The following MAOB variants were observed in gnomAD, a reference collection of about 807,000 sequenced individuals.
The protein encoded by MAOB is amine oxidase [flavin-containing] B.
A neutral mutation model predicts 41.9 loss-of-function variants in MAOB; 15 were observed. That is an observed-to-expected ratio of 0.36 (90% CI 0.24 to 0.55). MAOB has a LOEUF of 0.55. MAOB is among the 20% of genes least tolerant of loss of function. MAOB has a pLI of 0.86. For missense variants in MAOB, 345 were observed against 398.7 expected (o/e 0.87, Z 1.15); for synonymous variants, 167 against 144.2 (o/e 1.16, Z -1.13).
chrX:43,830,257 T>C (rs2035002114), intron 3 of MAOB, among the ~76,000 whole-genome samples: 1 of 111,409 alleles, frequency 9.0e-6, no homozygotes, highest in South Asian at 3.8e-4. Flanking sequence ...AAACTTAGGT[T>C]TTCTTAGAGA....
intron 5 of MAOB, among the ~76,000 whole-genome samples, chrX:43,800,438 C>G (rs1176406926): frequency 1.8e-5 from 2 of 111,181 alleles, no homozygotes; most frequent in East Asian, 5.6e-4. Flanking sequence ...AATTATATTG[C>G]AAACTACATT....
chrX:43,875,268 G>A (rs1192836502), intron 1 of MAOB, among the ~76,000 whole-genome samples: 1 of 111,733 alleles, frequency 8.9e-6, no homozygotes, highest in African/African-American at 3.3e-5. Flanking sequence ...AAGGGGCTGT[G>A]AGGTCTGGAG....
intron 1 of MAOB, among the ~76,000 whole-genome samples, chrX:43,866,808 A>G (rs1222716811): frequency 8.9e-6 from 1 of 112,768 alleles, no homozygotes. Flanking sequence ...GACTCTGGGA[A>G]CTACAGTGGT....
Position 43,808,108 on chromosome X carries a change from T to C in MAOB, c.280-4704A>G, listed in dbSNP as rs772643491. 2.7e-5 allele frequency among the ~76,000 whole-genome samples: 3 copies of C among 110,815 alleles called. No individual in the cohort carries two copies. The Admixed American group carries it at 2.9e-4, about 11-fold the overall frequency. Reference sequence around the variant, plus strand: ...GCAAAGAACCAAATCAAGATGCACATTGAGAGCAATGTGCATCTATGACTG... The same window carrying C: ...GCAAAGAACCAAATCAAGATGCACACTGAGAGCAATGTGCATCTATGACTG... On this transcript the variant is annotated intron_variant, in intron 3 of 14. Transcript: ENST00000378069.
At chrX:43,786,281 C>T (rs767511641) in intron 8 of MAOB, among the ~76,000 whole-genome samples, 3 of 111,682 alleles carry the variant, frequency 2.7e-5, no homozygotes, top group Non-Finnish European at 5.6e-5. Flanking sequence ...GAAGACTCAG[C>T]GGCAAATGTT....
intron 3 of MAOB, among the ~76,000 whole-genome samples, chrX:43,820,126 AC>A (rs1300830316): frequency 8.9e-6 from 1 of 112,189 alleles, no homozygotes; most frequent in Non-Finnish European, 1.9e-5. Flanking sequence ...TAAATCTTAA[AC>A]AAGTCTAAAT....
At chrX:43,825,818 CA>C (rs1378216400) in intron 3 of MAOB, among the ~76,000 whole-genome samples, 2 of 111,846 alleles carry the variant, frequency 1.8e-5, no homozygotes, top group East Asian at 5.6e-4. Context: ...CTCATATCCC[CA>C]TTAGAATTGA....
chrX:43,852,773 C>T (rs2035260292), intron 1 of MAOB, among the ~76,000 whole-genome samples: 2 of 111,634 alleles, frequency 1.8e-5, no homozygotes, highest in African/African-American at 6.5e-5. Flanking sequence ...GGAAAGTTCT[C>T]CTTATATTTT....
intron 3 of MAOB, among the ~76,000 whole-genome samples, chrX:43,832,342 A>C (rs2035027860): frequency 8.9e-6 from 1 of 112,392 alleles, no homozygotes; most frequent in South Asian, 3.7e-4. Flanking sequence ...GTTAGCATTT[A>C]CTTGTAATAC....
chrX:43,808,786 C>T lies in MAOB; in HGVS notation c.280-5382G>A, dbSNP rs7060566. 3.6e-3 allele frequency among the ~76,000 whole-genome samples: 397 copies of T among 110,229 alleles called. 2 individuals are homozygous for T. Among genetic ancestry groups the T allele is most frequent in the African/African-American group, 0.012 (368 of 30,237 alleles). Reference sequence around the variant, plus strand: ...GTTGCACAATCTTGGCTCACTGCAACGTCTGCCTCCTTGGTTCAAGCGATT... The same window carrying T: ...GTTGCACAATCTTGGCTCACTGCAATGTCTGCCTCCTTGGTTCAAGCGATT... On this transcript the variant is annotated intron_variant, in intron 3 of 14. Transcript: ENST00000378069.
intron 3 of MAOB, 35 bp downstream of exon 3, chrX:43,838,833 G>A: frequency 1.8e-6 from 2 of 1,141,535 alleles, no homozygotes; most frequent in South Asian, 2.3e-5. Context: ...TCATAGAGAA[G>A]TTTTCAAATC....
At position 43,777,936 on chromosome X, in the gene MAOB, G is replaced by A. The variant is rs191660013; in HGVS notation, c.1137+746C>T. Among the ~76,000 whole-genome samples, 466 of 111,509 alleles carry A rather than the reference G, an allele frequency of 4.2e-3. 2 individuals carry two copies. Among genetic ancestry groups the A allele is most frequent in the Non-Finnish European group, 4.9e-3 (259 of 53,054 alleles). On this transcript the variant is annotated intron_variant, in intron 11 of 14. Transcript: ENST00000378069. ...ATTCATCATTTTAAATATTGATGAGGGAGGTGATTATGGGTACTTGTTATG... is the reference window on the plus strand; with the variant it reads ...ATTCATCATTTTAAATATTGATGAGAGAGGTGATTATGGGTACTTGTTATG...
At chrX:43,817,069 C>T (rs1490748491) in intron 3 of MAOB, among the ~76,000 whole-genome samples, 6 of 108,713 alleles carry the variant, frequency 5.5e-5, no homozygotes, top group Admixed American at 2.0e-4. Context: ...TCCTCCTTTT[C>T]TCTCTCTCTC....
At chrX:43,793,307 C>T in intron 8 of MAOB, 112 bp downstream of exon 8, 1 of 542,939 alleles carries the variant, frequency 1.8e-6, no homozygotes, top group Non-Finnish European at 2.9e-6. Context: ...AACAAATCTG[C>T]ACATGTACCC....
At chrX:43,845,280 C>T (rs951788692) in intron 1 of MAOB, among the ~76,000 whole-genome samples, 17 of 111,666 alleles carry the variant, frequency 1.5e-4, no homozygotes, top group Non-Finnish European at 3.0e-4. Flanking sequence ...AATATTAAGG[C>T]CATGCCAAGA....
At chrX:43,870,550 C>G (rs1477269419) in intron 1 of MAOB, among the ~76,000 whole-genome samples, 1 of 110,795 alleles carries the variant, frequency 9.0e-6, no homozygotes, top group Non-Finnish European at 1.9e-5. Flanking sequence ...AATCCCGGCT[C>G]TTTGGGAGGC....
intron 8 of MAOB, among the ~76,000 whole-genome samples, chrX:43,786,291 T>C (rs760467551): frequency 1.8e-5 from 2 of 112,046 alleles, no homozygotes; most frequent in African/African-American, 6.5e-5. Flanking sequence ...CGGCAAATGT[T>C]GTATAGAAAA....
chrX:43,872,239 C>A lies in MAOB; in HGVS notation c.46+10015G>T, dbSNP rs58032345. Among the ~76,000 whole-genome samples, 114 of 111,937 alleles carry A rather than the reference C, an allele frequency of 1.0e-3. 1 individual carries two copies. The highest frequency in any genetic ancestry group is 3.6e-3 in the African/African-American group (110 of 30,867). ...GTAATTGCAAAAAACAGCTTTCCTGCATGTTACAGAGAGCAAAACTTACTT... is the reference window on the plus strand; with the variant it reads ...GTAATTGCAAAAAACAGCTTTCCTGAATGTTACAGAGAGCAAAACTTACTT... On this transcript the variant is annotated intron_variant, in intron 1 of 14. Coordinates refer to ENST00000378069, the MANE Select transcript of MAOB (RefSeq NM_000898.5).
intron 1 of MAOB, among the ~76,000 whole-genome samples, chrX:43,863,510 C>T (rs987725118): frequency 3.9e-4 from 43 of 111,465 alleles, no homozygotes; most frequent in African/African-American, 1.3e-3. Context: ...AATATATACC[C>T]AAAGTTAAGA....
Sources: allele counts gnomAD v4.1 joint callset (sites outside exome capture counted in the v4.1 genomes callset), GRCh38; gene constraint gnomAD v4.1.1; transcripts MANE v1.5; gene names NCBI Gene and HGNC (gene_info 2026-07-23, HGNC 2026-07-21).